TENM3: variants seen among roughly 807,000 people sequenced by gnomAD.
TENM3 encodes teneurin transmembrane protein 3.
TENM3 carries 63 observed loss-of-function variants against 255.1 expected under a neutral mutation model. The ratio of observed to expected loss-of-function variants is 0.25; its 90% CI spans 0.20 to 0.30. The LOEUF (loss-of-function observed/expected upper bound fraction) is 0.30, where lower values mean the gene tolerates loss of function less well. TENM3 is among the 10% of genes least tolerant of loss of function. The pLI, the probability that TENM3 is intolerant of heterozygous loss-of-function variation, is 1.00. For missense variants in TENM3, 2,929 were observed against 3,461.1 expected (o/e 0.85, Z 3.86); for synonymous variants, 1,306 against 1,322.3 (o/e 0.99, Z 0.27).
the TENM3 span, among the ~76,000 whole-genome samples, chr4:181,544,704 G>A: frequency 3.9e-5 from 6 of 152,078 alleles, no homozygotes; most frequent in African/African-American, 1.4e-4. Context: ...TTGGATTATC[G>A]GTGCCACCAT....
chr4:181,538,901 A>G, the TENM3 span, among the ~76,000 whole-genome samples: 1 of 152,218 alleles, frequency 6.6e-6, no homozygotes, highest in East Asian at 1.9e-4. Context: ...CAATTGGTTT[A>G]GTTGTTTAAT....
chr4:182,168,786 A>G (rs1220627345), intron 1 of TENM3, among the ~76,000 whole-genome samples: 1 of 151,544 alleles, frequency 6.6e-6, no homozygotes, highest in Non-Finnish European at 1.5e-5. Flanking sequence ...TTTCTTCTCT[A>G]AGTGGATATC....
the TENM3 span, among the ~76,000 whole-genome samples, chr4:182,093,525 G>A: frequency 1.3e-5 from 2 of 152,324 alleles, no homozygotes; most frequent in South Asian, 4.1e-4. Context: ...GAACACGTGT[G>A]CAGGAGGAGG....
the TENM3 span, among the ~76,000 whole-genome samples, chr4:181,559,766 T>C: frequency 1.3e-5 from 2 of 152,324 alleles, no homozygotes; most frequent in East Asian, 3.9e-4. Context: ...TTTGTTTGCC[T>C]AGGAGGCTGC....
chr4:182,485,626 G>A (rs772302455), intron 3 of TENM3, among the ~76,000 whole-genome samples: 19 of 147,750 alleles, frequency 1.3e-4, no homozygotes, highest in Non-Finnish European at 2.5e-4. Context: ...GAACATAGAA[G>A]CAAAAAAGTG....
intron 3 of TENM3, among the ~76,000 whole-genome samples, chr4:182,401,011 C>T (rs569137496): frequency 5.9e-5 from 9 of 152,248 alleles, no homozygotes; most frequent in African/African-American, 1.2e-4. Flanking sequence ...TGATCCATGA[C>T]GGGCAGATGG....
chr4:182,084,666 A>G, the TENM3 span, among the ~76,000 whole-genome samples: 5 of 152,346 alleles, frequency 3.3e-5, no homozygotes, highest in East Asian at 7.7e-4. Context: ...ATGATAGAGT[A>G]TAAGTAGATG....
At chr4:182,547,167 C>A (rs572012418) in intron 3 of TENM3, among the ~76,000 whole-genome samples, 2 of 152,038 alleles carry the variant, frequency 1.3e-5, no homozygotes, top group Non-Finnish European at 2.9e-5. Flanking sequence ...ATGGTACAAG[C>A]GTTTGTGTTT....
intron 1 of TENM3, among the ~76,000 whole-genome samples, chr4:182,276,622 G>A (rs17072948): frequency 0.18 from 27,310 of 152,172 alleles, 2,889 homozygotes; most frequent in African/African-American, 0.29. Context: ...ATATTTTTAA[G>A]CACTGCTGTC....
chr4:182,777,539 G>GTGTGTGTGTGTGTA (rs1280491150), intron 24 of TENM3, among the ~76,000 whole-genome samples: 2 of 131,464 alleles, frequency 1.5e-5, no homozygotes, highest in Non-Finnish European at 3.1e-5. Context: ...GTGTGTGTGT[G>GTGTGTGTGTGTGTA]TGTATTTCTT....
intron 16 of TENM3, among the ~76,000 whole-genome samples, chr4:182,736,067 G>A (rs571534397): frequency 1.3e-5 from 2 of 152,208 alleles, no homozygotes; most frequent in African/African-American, 2.4e-5. Flanking sequence ...TAAATTGTAT[G>A]GAGCTTTAAA....
At chr4:182,383,754 A>G (rs1380890217) in intron 3 of TENM3, among the ~76,000 whole-genome samples, 2 of 152,152 alleles carry the variant, frequency 1.3e-5, no homozygotes, top group Admixed American at 1.3e-4. Context: ...ATTTCAGACT[A>G]TGCTTCAAGG....
the TENM3 span, among the ~76,000 whole-genome samples, chr4:181,665,238 T>C: frequency 6.6e-6 from 1 of 152,188 alleles, no homozygotes; most frequent in African/African-American, 2.4e-5. Flanking sequence ...ATCCTAGGTG[T>C]TAAATATCAG....
At chr4:182,664,223 G>A (rs1486072851) in intron 6 of TENM3, among the ~76,000 whole-genome samples, 1 of 152,124 alleles carries the variant, frequency 6.6e-6, no homozygotes, top group African/African-American at 2.4e-5. Context: ...ATGTCTCTCT[G>A]TTGCATTTTG....
At chr4:182,299,188 C>T (rs73869915) in intron 1 of TENM3, among the ~76,000 whole-genome samples, 3,429 of 151,838 alleles carry the variant, frequency 0.023, 73 homozygotes, top group Admixed American at 0.066. Context: ...GCACTAGTTT[C>T]TCCTAGTATT....
At chr4:182,732,052 A>G (rs1001791050) in intron 16 of TENM3, among the ~76,000 whole-genome samples, 1 of 152,070 alleles carries the variant, frequency 6.6e-6, no homozygotes, top group African/African-American at 2.4e-5. Context: ...AAGTGCTGGG[A>G]TTACAGGTGT....
the TENM3 span, among the ~76,000 whole-genome samples, chr4:181,537,476 T>A: frequency 6.6e-6 from 1 of 152,180 alleles, no homozygotes; most frequent in Non-Finnish European, 1.5e-5. Flanking sequence ...TAAGGGTTAG[T>A]CTGAGTTAAT....
intron 4 of TENM3, among the ~76,000 whole-genome samples, chr4:182,621,096 G>A (rs1200453805): frequency 1.3e-5 from 2 of 151,890 alleles, no homozygotes; most frequent in African/African-American, 4.8e-5. Flanking sequence ...CAGGAGAATG[G>A]CGTGAACTCA....
At chr4:182,489,630 CAT>C (rs1183937673) in intron 3 of TENM3, among the ~76,000 whole-genome samples, 8 of 152,130 alleles carry the variant, frequency 5.3e-5, no homozygotes, top group Non-Finnish European at 1.0e-4. Context: ...AACAGACTAA[CAT>C]AATTTCATGA....
Sources: gnomAD v4.1 joint callset for allele counts (sites outside exome capture counted in the v4.1 genomes callset) on GRCh38, gnomAD v4.1.1 for gene constraint, MANE v1.5 for transcripts, NCBI Gene and HGNC (gene_info 2026-07-23, HGNC 2026-07-21) for gene names.